Variants in OPCML observed in about 807,000 individuals in gnomAD.
OPCML encodes opioid-binding protein/cell adhesion molecule.
Under a neutral mutation model 37.8 loss-of-function variants are expected in OPCML, and 13 were observed. That is an observed-to-expected ratio of 0.34 (90% CI 0.22 to 0.55). The LOEUF (loss-of-function observed/expected upper bound fraction) is 0.55, where lower values mean the gene tolerates loss of function less well. Ranked by LOEUF, OPCML falls within the 20% of genes least tolerant of loss-of-function variation. The pLI, the probability that OPCML is intolerant of heterozygous loss-of-function variation, is 0.91. For missense variants in OPCML, 341 were observed against 435.6 expected, an observed-to-expected ratio of 0.78 and a Z score of 1.93; for synonymous variants, 176 against 168.8, an observed-to-expected ratio of 1.04 and a Z score of -0.33.
At chr11:132,976,294 G>T (rs934553288) in intron 1 of OPCML, among the ~76,000 whole-genome samples, 14 of 152,128 alleles carry the variant, frequency 9.2e-5, no homozygotes, top group Non-Finnish European at 1.8e-4. Context: ...CGAATGAGGT[G>T]GGGGGAGGGG....
intron 1 of OPCML, among the ~76,000 whole-genome samples, chr11:133,046,412 C>G (rs532842425): frequency 6.6e-6 from 1 of 152,228 alleles, no homozygotes; most frequent in East Asian, 1.9e-4. Context: ...CCTTTCTGCC[C>G]GACACACAGA....
At chr11:133,169,336 G>A (rs1950257521) in intron 1 of OPCML, among the ~76,000 whole-genome samples, 3 of 152,054 alleles carry the variant, frequency 2.0e-5, no homozygotes, top group Admixed American at 6.6e-5. Context: ...AAAACCACAT[G>A]AGAAGGAAAT....
chr11:132,742,534 T>C (rs1945465511), intron 2 of OPCML, among the ~76,000 whole-genome samples: 1 of 152,050 alleles, frequency 6.6e-6, no homozygotes, highest in Admixed American at 6.6e-5. Context: ...GCTGGCACCA[T>C]GATCTTGGAG....
At position 132,943,167 on chromosome 11, in the gene OPCML, C is replaced by G. The variant is rs914885577; in HGVS notation, c.62-157G>C. ...CCCCCGCCCCGCGCACCAGCGGGCTCGGGAAGCGGTGCGGGGAGGAGGGAA... is the reference window on the plus strand; with the variant it reads ...CCCCCGCCCCGCGCACCAGCGGGCTGGGGAAGCGGTGCGGGGAGGAGGGAA... On this transcript the variant is annotated intron_variant, in intron 1 of 7. Coordinates refer to ENST00000524381, the MANE Select transcript of OPCML (RefSeq NM_001012393.5). This position sits in a 1 kb window ranked among gnomAD's most constrained non-coding sequence, Gnocchi z 4.3. 1.3e-6 allele frequency: 2 copies of G among 1,597,572 alleles called. No individual in the cohort carries two copies. The highest frequency in any genetic ancestry group is 1.7e-5 in the Admixed American group (1 of 59,414).
rs58808691 is a variant in OPCML at position 133,440,762 on chromosome 11, TTATATA to T, written c.61+91496_61+91501del. On this transcript the variant is annotated intron_variant, in intron 1 of 7. Transcript: ENST00000524381. ...AAAAAAAAACAGAAACCTACAGCAA[TTATATA>T]TATATATATATATCTGTGTGTGTGT... 2.1e-4 allele frequency among the ~76,000 whole-genome samples: 27 copies of T among 126,962 alleles called. 1 individual carries two copies. Among genetic ancestry groups the T allele is most frequent in the African/African-American group, 9.4e-4 (27 of 28,676 alleles). 83.3% of individuals were successfully genotyped at this position (126,962 alleles called of 152,430 possible).
intron 2 of OPCML, among the ~76,000 whole-genome samples, chr11:132,836,129 A>G (rs1461121788): frequency 1.3e-5 from 2 of 152,206 alleles, no homozygotes; most frequent in Admixed American, 6.5e-5. Context: ...AACGGCCTCC[A>G]TGTTTCAACA....
In OPCML at chr11:133,206,772, A is replaced by G. The variant is rs1023086314; in HGVS notation, c.62-263762T>C. On this transcript the variant is annotated intron_variant, in intron 1 of 7. Coordinates refer to ENST00000524381, the MANE Select transcript of OPCML (RefSeq NM_001012393.5). This position sits in a 1 kb window ranked among gnomAD's most constrained non-coding sequence, Gnocchi z 4.7. ...AACAAGAAATGCACTGCCTCGGCGG[A>G]GTCTTCTGGTCCGCAGGTTTGTGAA... Among the ~76,000 whole-genome samples, 2 of 152,160 alleles carry G rather than the reference A, an allele frequency of 1.3e-5. No individual in the cohort carries two copies. Among genetic ancestry groups the G allele is most frequent in the African/African-American group, 2.4e-5 (1 of 41,426 alleles).
intron 2 of OPCML, among the ~76,000 whole-genome samples, chr11:132,871,098 T>C (rs1591731858): frequency 6.6e-6 from 1 of 152,158 alleles, no homozygotes; most frequent in Non-Finnish European, 1.5e-5. Flanking sequence ...TAATGATATG[T>C]CAATTAACTC....
At chr11:132,621,060 CA>C (rs1320665482) in intron 3 of OPCML, among the ~76,000 whole-genome samples, 1 of 152,256 alleles carries the variant, frequency 6.6e-6, no homozygotes, top group Non-Finnish European at 1.5e-5. Flanking sequence ...GTGTGACACA[CA>C]AGGCTTTTGA....
intron 1 of OPCML, among the ~76,000 whole-genome samples, chr11:133,207,373 C>G (rs961429208): frequency 2.6e-5 from 4 of 152,088 alleles, no homozygotes; most frequent in African/African-American, 9.7e-5. Flanking sequence ...AGCAGGTTAA[C>G]AGGCTTTAAG....
At chr11:132,516,888 T>C (rs1020331944) in intron 4 of OPCML, among the ~76,000 whole-genome samples, 1 of 152,186 alleles carries the variant, frequency 6.6e-6, no homozygotes, top group Non-Finnish European at 1.5e-5. Flanking sequence ...TGACTCTAGC[T>C]GATTTAGATG....
chr11:133,165,533 T>C (rs957633819), intron 1 of OPCML, among the ~76,000 whole-genome samples: 1 of 152,212 alleles, frequency 6.6e-6, no homozygotes, highest in Non-Finnish European at 1.5e-5. Flanking sequence ...AGGGCCTTGA[T>C]ACTTCCCAAG....
At chr11:132,956,059 A>T (rs1025952252) in intron 1 of OPCML, among the ~76,000 whole-genome samples, 1 of 152,232 alleles carries the variant, frequency 6.6e-6, no homozygotes, top group African/African-American at 2.4e-5. Flanking sequence ...CACAGATATC[A>T]TAGCTATTCA....
intron 1 of OPCML, among the ~76,000 whole-genome samples, chr11:133,215,181 T>G (rs2136349329): frequency 6.6e-6 from 1 of 151,404 alleles, no homozygotes; most frequent in East Asian, 1.9e-4. Flanking sequence ...TGCAGAAAGG[T>G]CACATTTTAA....
At chr11:133,254,136 G>A (rs984765170) in intron 1 of OPCML, among the ~76,000 whole-genome samples, 1 of 152,096 alleles carries the variant, frequency 6.6e-6, no homozygotes, top group South Asian at 2.1e-4. Context: ...CAAAAAAGGG[G>A]GTATTCATTT....
chr11:133,006,183 G>A (rs895795179), intron 1 of OPCML: 105 of 925,252 alleles, frequency 1.1e-4, no homozygotes, highest in African/African-American at 6.3e-4. Context: ...TGGGAAGTTC[G>A]CGCCATCTGT....
At chr11:132,558,879 CA>C (rs1225904300) in intron 3 of OPCML, among the ~76,000 whole-genome samples, 1 of 151,918 alleles carries the variant, frequency 6.6e-6, no homozygotes, top group Non-Finnish European at 1.5e-5. Flanking sequence ...GTGATATGGG[CA>C]AGGGCACTCT....
At chr11:132,931,534 T>C (rs530834569) in intron 2 of OPCML, among the ~76,000 whole-genome samples, 23 of 152,238 alleles carry the variant, frequency 1.5e-4, no homozygotes, top group African/African-American at 5.5e-4. Context: ...CAAAGAAGGA[T>C]ATACAAATGG....
intron 1 of OPCML, among the ~76,000 whole-genome samples, chr11:133,046,715 T>G (rs376756971): frequency 6.6e-6 from 1 of 152,162 alleles, no homozygotes; most frequent in South Asian, 2.1e-4. Context: ...CTTGCATTCT[T>G]TCCTCTGCCT....
Sources: allele counts gnomAD v4.1 joint callset (sites outside exome capture counted in the v4.1 genomes callset), GRCh38; gene constraint gnomAD v4.1.1; non-coding constraint Gnocchi (gnomAD v3.1); transcripts MANE v1.5; gene names NCBI Gene and HGNC (gene_info 2026-07-23, HGNC 2026-07-21).